Variants in DOK7 observed in about 807,000 individuals in gnomAD.
DOK7 encodes protein Dok-7.
A neutral mutation model predicts 30.7 loss-of-function variants in DOK7; 32 were observed. That is an observed-to-expected ratio of 1.04 (90% confidence interval 0.79 to 1.40). The LOEUF (loss-of-function observed/expected upper bound fraction) is 1.40, where lower values mean the gene tolerates loss of function less well. Among genes scored for constraint, DOK7 ranks in the 40% most tolerant of loss-of-function variants. The pLI, the probability that DOK7 is intolerant of heterozygous loss-of-function variation, is 0.00. For missense variants in DOK7, 1,007 were observed against 699.2 expected (o/e 1.44, Z -4.97); for synonymous variants, 447 against 324.1 (o/e 1.38, Z -4.07).
At chr4:3,463,656 C>T (rs1288447992) in intron 2 of DOK7, 105 bp downstream of exon 2, 10 of 1,413,978 alleles carry the variant, frequency 7.1e-6, no homozygotes, top group Non-Finnish European at 9.6e-6. Flanking sequence ...CGCTGTCACC[C>T]CGCCGGGAAA....
In DOK7 at chr4:3,470,944, G is replaced by C. The variant is rs73793903; in HGVS notation, c.101-2462G>C. Among the ~76,000 whole-genome samples, 1,411 of 152,310 alleles carry C rather than the reference G, an allele frequency of 9.3e-3. 24 individuals are homozygous for C. Among genetic ancestry groups the C allele is most frequent in the African/African-American group, 0.032 (1,328 of 41,554 alleles). Reference sequence around the variant, plus strand: ...AGCTGTCTGCCAGGGTGTGGCCAAGGTGCCACCACCACAGAGCAGAGCCAC... The same window carrying C: ...AGCTGTCTGCCAGGGTGTGGCCAAGCTGCCACCACCACAGAGCAGAGCCAC... On this transcript the variant is annotated intron_variant, in intron 2 of 6. Coordinates refer to ENST00000340083, the MANE Select transcript of DOK7 (RefSeq NM_173660.5).
chr4:3,470,542 C>G (rs1008689526), intron 2 of DOK7, among the ~76,000 whole-genome samples: 1 of 152,182 alleles, frequency 6.6e-6, no homozygotes, highest in Admixed American at 6.5e-5. Flanking sequence ...TGCGCCCCAC[C>G]ACCAGCCTTG....
Position 3,494,356 on chromosome 4 carries a change from A to C in DOK7, c.*855A>C, listed in dbSNP as rs1349083432. The stretch of plus-strand genomic sequence containing the variant: ...CGCCCTGGGTGGCTTCCTCTTGCAC[A>C]GCCTGGAGCCTGCCCTGACCACAGC... On this transcript the variant is annotated 3_prime_UTR_variant, in exon 7 of 7. Coordinates refer to ENST00000340083, the MANE Select transcript of DOK7 (RefSeq NM_173660.5). 8 of 985,622 alleles carry C rather than the reference A, an allele frequency of 8.1e-6. No individual in the cohort carries two copies. Among genetic ancestry groups the C allele is most frequent in the Non-Finnish European group, 9.6e-6 (8 of 830,194 alleles). 61.1% of individuals were successfully genotyped at this position (985,622 alleles called of 1,614,324 possible).
intron 2 of DOK7, among the ~76,000 whole-genome samples, chr4:3,472,819 T>C (rs556575976): frequency 2.4e-4 from 36 of 148,724 alleles, no homozygotes; most frequent in South Asian, 1.7e-3. Context: ...CCTGCTGTGC[T>C]GGGCAGTGGC....
At chr4:3,496,726 C>A, downstream of DOK7, 1 of 1,416,220 alleles carries the variant, frequency 7.1e-7, no homozygotes, top group Non-Finnish European at 9.5e-7. Flanking sequence ...CTGTGTCACT[C>A]TTGGGGGGTA....
chr4:3,473,287 G>C (rs1382788499), intron 2 of DOK7, 119 bp from the exon 3 acceptor site: 1 of 928,922 alleles, frequency 1.1e-6, no homozygotes, highest in African/African-American at 1.6e-5. Flanking sequence ...ATGGCTGAGT[G>C]GCTGGCTTGA....
chr4:3,476,567 T>G, intron 4 of DOK7, 25 bp downstream of exon 4: 1 of 1,613,204 alleles, frequency 6.2e-7, no homozygotes, highest in Non-Finnish European at 8.5e-7. Context: ...GTGGGGTCAC[T>G]GGGCAGCAGC....
chr4:3,490,242 CCTT>C (rs1350544557), intron 6 of DOK7, among the ~76,000 whole-genome samples: 1 of 111,592 alleles, frequency 9.0e-6, no homozygotes, highest in African/African-American at 3.4e-5. Flanking sequence ...TTCATTCCTT[CCTT>C]TTCTCCCTGC....
chr4:3,485,266 A>T, intron 4 of DOK7: 1 of 384,666 alleles, frequency 2.6e-6, no homozygotes, highest in Non-Finnish European at 4.6e-6. Context: ...CACTCACCCC[A>T]GCGCCCAAGT....
chr4:3,472,603 G>A (rs1328332243), intron 2 of DOK7, among the ~76,000 whole-genome samples: 1 of 152,250 alleles, frequency 6.6e-6, no homozygotes, highest in Non-Finnish European at 1.5e-5. Flanking sequence ...CCCCGGGCCA[G>A]GTGGTTTGCC....
At position 3,494,073 on chromosome 4, in the gene DOK7, G is replaced by A; in HGVS notation, c.*572G>A. 4.1e-6 allele frequency: 4 copies of A among 986,900 alleles called. No homozygotes were observed. In the South Asian group the frequency reaches 1.9e-4, roughly 46 times the overall value. 61.1% of individuals were successfully genotyped at this position (986,900 alleles called of 1,614,324 possible). A position where few individuals can be genotyped will look rare whatever the true frequency, so the allele number is the denominator to read the frequency against. Reference sequence around the variant, plus strand: ...AGCTCAGGAGGCTGTGTGGCTTGCGGGGTCTCTGGGTTCTGGGCCCCACTG... The same window carrying A: ...AGCTCAGGAGGCTGTGTGGCTTGCGAGGTCTCTGGGTTCTGGGCCCCACTG... On this transcript the variant is annotated 3_prime_UTR_variant, in exon 7 of 7. Coordinates refer to ENST00000340083, the MANE Select transcript of DOK7 (RefSeq NM_173660.5).
chr4:3,490,934 C>CCCCCCCACCG (rs1728341456), intron 6 of DOK7, among the ~76,000 whole-genome samples: 1 of 130,644 alleles, frequency 7.7e-6, no homozygotes, highest in South Asian at 2.8e-4. Context: ...CTTCCTTCTT[C>CCCCCCCACCG]CCCTGCTCAT....
At chr4:3,494,693 ATG>A (rs1728805183), downstream of DOK7, among the ~76,000 whole-genome samples, 1 of 152,110 alleles carries the variant, frequency 6.6e-6, no homozygotes, top group Non-Finnish European at 1.5e-5. Context: ...TGGGATGTGC[ATG>A]TGTGGTGTGT....
At chr4:3,484,609 C>T in intron 4 of DOK7, 15 of 985,504 alleles carry the variant, frequency 1.5e-5, no homozygotes, top group Non-Finnish European at 1.8e-5. Context: ...TGACTCGCAG[C>T]TGGGGCTTCT....
In DOK7 at chr4:3,463,524, G is replaced by T; in HGVS notation, c.73G>T (p.Val25Leu). The T allele has an allele frequency of 6.6e-7, 1 of 1,517,546 alleles. No homozygotes were observed. Among genetic ancestry groups the T allele is most frequent in the Non-Finnish European group, 8.8e-7 (1 of 1,136,852 alleles). The allele number at this position is 1,517,546 out of a possible 1,614,324, so 94.0% of individuals were successfully genotyped here. The stretch of plus-strand genomic sequence containing the variant: ...CCCGCAGTGGAAGAGTAGGTGGCTG[G>T]TGCTGCGGAAGCCGTCGCCCGTGGC... ...DGKKWKSRWL[V>L]LRKPSPVADC... Residue 25 changes from valine (V) to leucine (L), a missense_variant, in exon 2 of 7, where the codon GTG (valine) becomes TTG (leucine). Physicochemically the swap from Val to Leu is conservative, Grantham distance 32. Coordinates refer to ENST00000340083, the MANE Select transcript of DOK7 (RefSeq NM_173660.5).
At chr4:3,496,386 C>T (rs13144301), downstream of DOK7, among the ~76,000 whole-genome samples, 20,858 of 152,320 alleles carry the variant, frequency 0.14, 1,586 homozygotes, top group African/African-American at 0.18. Flanking sequence ...CCCTCAAGGA[C>T]GGGAAAGGAA....
At chr4:3,500,098 C>T (rs551831871) in intron 6 of DOK7, among the ~76,000 whole-genome samples, 7 of 151,720 alleles carry the variant, frequency 4.6e-5, no homozygotes, top group South Asian at 2.1e-4. Flanking sequence ...CAAAGATGGA[C>T]GGTCAGGAAC....
chr4:3,495,568 G>A (rs915330440), downstream of DOK7, among the ~76,000 whole-genome samples: 6 of 152,216 alleles, frequency 3.9e-5, no homozygotes, highest in East Asian at 1.9e-4. Flanking sequence ...TGAAGGTTCC[G>A]GCCACCGCCT....
intron 2 of DOK7, among the ~76,000 whole-genome samples, chr4:3,468,914 T>A (rs1163993030): frequency 1.4e-5 from 2 of 139,850 alleles, no homozygotes; most frequent in Admixed American, 7.0e-5. Flanking sequence ...TCTGTGTGTG[T>A]ATGTGTGTAT....
Sources: gnomAD v4.1 joint callset for allele counts (sites outside exome capture counted in the v4.1 genomes callset) on GRCh38, gnomAD v4.1.1 for gene constraint, MANE v1.5 for transcripts, NCBI Gene and HGNC (gene_info 2026-07-23, HGNC 2026-07-21) for gene names.